The following ARRB1 variants were observed in gnomAD, a reference collection of about 807,000 sequenced individuals.
ARRB1 encodes arrestin beta 1.
ARRB1 carries 21 observed loss-of-function variants against 56.8 expected under a neutral mutation model. The observed-to-expected ratio is 0.37, with a 90% CI of 0.26 to 0.53. The LOEUF (loss-of-function observed/expected upper bound fraction) is 0.53, where lower values mean the gene tolerates loss of function less well. ARRB1 is among the 20% of genes least tolerant of loss of function. The pLI, the probability that ARRB1 is intolerant of heterozygous loss-of-function variation, is 0.88. For synonymous variants in ARRB1, 210 were observed against 218.6 expected (o/e 0.96, Z 0.35); for missense variants, 424 against 553.7 (o/e 0.77, Z 2.35).
intron 11 of ARRB1, among the ~76,000 whole-genome samples, chr11:75,273,427 G>A (rs1946116511): frequency 6.6e-6 from 1 of 152,210 alleles, no homozygotes; most frequent in Admixed American, 6.5e-5. Flanking sequence ...TTGAAGATGG[G>A]TAGGGTGTGA....
intron 1 of ARRB1, among the ~76,000 whole-genome samples, chr11:75,293,082 G>A (rs1946646040): frequency 6.6e-6 from 1 of 152,042 alleles, no homozygotes; most frequent in East Asian, 1.9e-4. Flanking sequence ...GGCACAGTGA[G>A]GGTGGCCAGG....
chr11:75,337,393 A>G (rs1233082052), intron 1 of ARRB1, among the ~76,000 whole-genome samples: 1 of 152,218 alleles, frequency 6.6e-6, no homozygotes, highest in African/African-American at 2.4e-5. Flanking sequence ...GGAAAAAAAA[A>G]GTTTTGACTG....
intron 1 of ARRB1, among the ~76,000 whole-genome samples, chr11:75,305,018 CTTTTTTTTT>C (rs35323331): frequency 3.5e-5 from 3 of 86,732 alleles, no homozygotes; most frequent in African/African-American, 8.5e-5. Flanking sequence ...TTCTTTCTTT[CTTTTTTTTT>C]TTTTTTTTTT....
chr11:75,278,927 C>T (rs909653711), intron 7 of ARRB1, among the ~76,000 whole-genome samples, 183 bp from the exon 8 acceptor site: 5 of 152,236 alleles, frequency 3.3e-5, no homozygotes, highest in Non-Finnish European at 2.9e-5. Flanking sequence ...CCATCCTCCC[C>T]TGTTCTGTCC....
At chr11:75,292,340 A>G (rs908551708) in intron 1 of ARRB1, among the ~76,000 whole-genome samples, 1 of 151,998 alleles carries the variant, frequency 6.6e-6, no homozygotes, top group Non-Finnish European at 1.5e-5. Context: ...GGGTTTCTCC[A>G]TGTTGGCCAG....
Position 75,276,747 on chromosome 11 carries a change from G to A in ARRB1, c.776+92C>T, listed in dbSNP as rs1424897989. On this transcript the variant is annotated intron_variant, in intron 10 of 15. Coordinates refer to ENST00000420843, the MANE Select transcript of ARRB1 (RefSeq NM_004041.5). ...GAGGCCCAGCCCTCTGCCAGGTGGA[G>A]AAGAGCCACCTGGACCTGTAACAGG... The A allele has an allele frequency of 2.3e-6, 3 of 1,306,738 alleles. No homozygotes were observed. The Admixed American group carries it at 5.7e-5, about 25-fold the overall frequency. 80.9% of individuals were successfully genotyped at this position (1,306,738 alleles called of 1,614,324 possible).
intron 1 of ARRB1, among the ~76,000 whole-genome samples, chr11:75,322,372 G>A (rs1947360056): frequency 6.6e-6 from 1 of 152,224 alleles, no homozygotes; most frequent in African/African-American, 2.4e-5. Context: ...CAGGCATGGT[G>A]GCACATGCCT....
chr11:75,290,738 C>A (rs974302946), intron 1 of ARRB1, among the ~76,000 whole-genome samples: 22 of 152,108 alleles, frequency 1.4e-4, no homozygotes, highest in African/African-American at 5.3e-4. Context: ...CACGCCACCA[C>A]CCTGGGCTAA....
rs562463651 is a variant in ARRB1, at chr11:75,262,894, TGAG to T, written c.*3266_*3268del. The stretch of plus-strand genomic sequence containing the variant: ...CTCTAGCAGGTCTGAGCTTTGAGGC[TGAG>T]GAGAGGTGCAGCCAAATAACTCAGT... On this transcript the variant is annotated 3_prime_UTR_variant, in exon 16 of 16. Coordinates refer to ENST00000420843, the MANE Select transcript of ARRB1 (RefSeq NM_004041.5). Among the ~76,000 whole-genome samples, 7 of 152,292 alleles carry T rather than the reference TGAG, an allele frequency of 4.6e-5. No homozygotes were observed. The highest frequency in any genetic ancestry group is 3.9e-4 in the East Asian group (2 of 5,180).
chr11:75,269,263 C>T, intron 13 of ARRB1: 1 of 598,932 alleles, frequency 1.7e-6, no homozygotes, highest in Non-Finnish European at 3.1e-6. Context: ...GCAGCATGCA[C>T]CGTGGTCACT....
chr11:75,334,306 C>CAA (rs11403871), intron 1 of ARRB1, among the ~76,000 whole-genome samples: 3,361 of 109,468 alleles, frequency 0.031, 102 homozygotes, highest in African/African-American at 0.054. Context: ...CCGTCTCAAA[C>CAA]AAAAAAAAAA....
chr11:75,324,725 C>G (rs978985888), intron 1 of ARRB1, among the ~76,000 whole-genome samples: 1 of 152,216 alleles, frequency 6.6e-6, no homozygotes, highest in African/African-American at 2.4e-5. Context: ...GGCCCCTTCC[C>G]TTTCTGCTGC....
At chr11:75,298,374 T>G (rs1378249848) in intron 1 of ARRB1, among the ~76,000 whole-genome samples, 1 of 152,206 alleles carries the variant, frequency 6.6e-6, no homozygotes, top group Non-Finnish European at 1.5e-5. Flanking sequence ...CACCCATTTT[T>G]AAATGGGCAA....
At chr11:75,308,744 CA>C (rs35118888) in intron 1 of ARRB1, among the ~76,000 whole-genome samples, 6,718 of 137,144 alleles carry the variant, frequency 0.049, 329 homozygotes, top group Admixed American at 0.16. Flanking sequence ...GAATCCATCT[CA>C]AAAAAAAAAA....
At chr11:75,276,798 C>A (rs774340304) in intron 10 of ARRB1, 41 bp downstream of exon 10, 12 of 1,605,242 alleles carry the variant, frequency 7.5e-6, no homozygotes, top group Non-Finnish European at 1.0e-5. Context: ...CTTTTTCCCA[C>A]CCAATCCCAT....
intron 1 of ARRB1, among the ~76,000 whole-genome samples, chr11:75,339,736 C>T (rs1318214438): frequency 3.9e-5 from 6 of 152,158 alleles, no homozygotes; most frequent in Non-Finnish European, 8.8e-5. Context: ...TACATCTGAG[C>T]AGCATGAGGG....
At chr11:75,305,365 T>G (rs1947005525) in intron 1 of ARRB1, among the ~76,000 whole-genome samples, 1 of 152,144 alleles carries the variant, frequency 6.6e-6, no homozygotes, top group Non-Finnish European at 1.5e-5. Flanking sequence ...TTTTCAAAAC[T>G]GATTACATAC....
chr11:75,315,276 G>A (rs1201366942), intron 1 of ARRB1, among the ~76,000 whole-genome samples: 1 of 151,978 alleles, frequency 6.6e-6, no homozygotes, highest in Non-Finnish European at 1.5e-5. Flanking sequence ...TCCTCCTGGT[G>A]ACCACCTCGC....
chr11:75,330,266 G>A (rs533667496), intron 1 of ARRB1, among the ~76,000 whole-genome samples: 1 of 136,388 alleles, frequency 7.3e-6, no homozygotes, highest in South Asian at 2.2e-4. Context: ...GACTCTACTT[G>A]GGTAATTAGG....
Sources: allele counts gnomAD v4.1 joint callset (sites outside exome capture counted in the v4.1 genomes callset), GRCh38; gene constraint gnomAD v4.1.1; transcripts MANE v1.5; gene names NCBI Gene and HGNC (gene_info 2026-07-23, HGNC 2026-07-21).